Variants in ELAVL4 observed in about 807,000 individuals in gnomAD.
ELAVL4 encodes ELAV-like protein 4.
Under a neutral mutation model 35.6 loss-of-function variants are expected in ELAVL4, and 1 was observed. The observed-to-expected ratio is 0.03, with a 90% confidence interval of 0.01 to 0.13. The LOEUF is 0.13. Among genes scored for constraint, ELAVL4 ranks in the 10% least tolerant of loss-of-function variants. The pLI is 1.00. For synonymous variants in ELAVL4, 156 were observed against 171.0 expected (o/e 0.91, Z 0.69); for missense variants, 267 against 464.9 (o/e 0.57, Z 3.91).
At chr1:50,166,322 A>G (rs774118323) in intron 2 of ELAVL4, among the ~76,000 whole-genome samples, 1 of 152,146 alleles carries the variant, frequency 6.6e-6, no homozygotes, top group Non-Finnish European at 1.5e-5. Context: ...CTATCCTTCA[A>G]ACAACCAGAA....
At chr1:50,141,997 G>T (rs534463801) in intron 1 of ELAVL4, 2 of 152,162 alleles carry the variant, frequency 1.3e-5, no homozygotes, top group Non-Finnish European at 2.9e-5. Context: ...ACTCACCTAC[G>T]TGGGGCATGA....
At chr1:50,156,340 A>G (rs1675743542) in intron 2 of ELAVL4, among the ~76,000 whole-genome samples, 1 of 152,222 alleles carries the variant, frequency 6.6e-6, no homozygotes, top group Admixed American at 6.5e-5. Context: ...AATTCAAACC[A>G]GGTGATACAT....
intron 1 of ELAVL4, among the ~76,000 whole-genome samples, chr1:50,060,636 A>T (rs1206274690): frequency 1.3e-5 from 2 of 152,180 alleles, no homozygotes; most frequent in African/African-American, 4.8e-5. Flanking sequence ...TGTTCTAACT[A>T]CTGCACTGCC....
At chr1:50,106,264 C>G (rs1170252233), upstream of ELAVL4, 1 of 1,579,150 alleles carries the variant, frequency 6.3e-7, no homozygotes, top group African/African-American at 1.3e-5. Flanking sequence ...GGAAAGCTGG[C>G]TGCCGGCGAC....
At chr1:50,150,604 A>G (rs1428926087) in intron 2 of ELAVL4, among the ~76,000 whole-genome samples, 21 of 152,158 alleles carry the variant, frequency 1.4e-4, no homozygotes, top group Non-Finnish European at 4.4e-5. Context: ...AGTACAGTCT[A>G]TTGGGTTGAA....
intron 1 of ELAVL4, among the ~76,000 whole-genome samples, chr1:50,112,207 GC>G (rs1176263334): frequency 6.6e-6 from 1 of 151,846 alleles, no homozygotes; most frequent in Non-Finnish European, 1.5e-5. Context: ...GAAACTTGCG[GC>G]CATATGTTGA....
chr1:50,169,183 T>C (rs1367900375), intron 2 of ELAVL4, among the ~76,000 whole-genome samples: 1 of 151,998 alleles, frequency 6.6e-6, no homozygotes, highest in East Asian at 1.9e-4. Context: ...GCTAGGCCTG[T>C]CTTTCCTTTT....
chr1:50,140,959 C>T (rs373898897), intron 1 of ELAVL4, among the ~76,000 whole-genome samples: 3 of 152,180 alleles, frequency 2.0e-5, no homozygotes, highest in African/African-American at 7.2e-5. Flanking sequence ...AATCTACAGA[C>T]AGGACTCACC....
In ELAVL4 at chr1:50,075,816, GAT is replaced by G. The variant is rs199887781; in HGVS notation, c.18+27636_18+27637del. Among the ~76,000 whole-genome samples the G allele has an allele frequency of 3.7e-3, 557 of 152,098 alleles. 4 individuals carry two copies. The highest frequency in any genetic ancestry group is 0.012 in the African/African-American group (505 of 41,464). The stretch of plus-strand genomic sequence containing the variant: ...CTTTTTGACTTATGATATAGATATA[GAT>G]AGAGAGAGAGAGACAGAGAGACAGA... On this transcript the variant is annotated intron_variant, in intron 1 of 6. Transcript: ENST00000448907.
chr1:50,095,697 C>T (rs976655260), intron 1 of ELAVL4, among the ~76,000 whole-genome samples: 4 of 152,292 alleles, frequency 2.6e-5, no homozygotes, highest in South Asian at 2.1e-4. Context: ...TCAGCAGTGC[C>T]TTCCTCTTTT....
At chr1:50,095,683 A>G (rs144738033) in intron 1 of ELAVL4, among the ~76,000 whole-genome samples, 3 of 152,332 alleles carry the variant, frequency 2.0e-5, no homozygotes, top group Admixed American at 2.0e-4. Flanking sequence ...TATGGGCTAC[A>G]ATATCAGCAG....
chr1:50,065,827 G>C (rs886374568), intron 1 of ELAVL4, among the ~76,000 whole-genome samples: 4 of 152,146 alleles, frequency 2.6e-5, no homozygotes, highest in Non-Finnish European at 5.9e-5. Flanking sequence ...ATGTGTCGGG[G>C]TTGAGGGCTA....
chr1:50,179,265 G>A (rs763316269), intron 3 of ELAVL4, among the ~76,000 whole-genome samples: 2 of 151,378 alleles, frequency 1.3e-5, no homozygotes, highest in Non-Finnish European at 2.9e-5. Context: ...AATGCACGAT[G>A]CCATGGCTGA....
chr1:50,167,804 C>T (rs555300822), intron 2 of ELAVL4, among the ~76,000 whole-genome samples: 1 of 152,324 alleles, frequency 6.6e-6, no homozygotes, highest in African/African-American at 2.4e-5. Flanking sequence ...TTGGTGAGCA[C>T]TCACATGGGA....
At chr1:50,127,007 A>T (rs1670041745) in intron 1 of ELAVL4, among the ~76,000 whole-genome samples, 1 of 152,086 alleles carries the variant, frequency 6.6e-6, no homozygotes, top group Non-Finnish European at 1.5e-5. Flanking sequence ...GGCTACACTC[A>T]TCTAAAATAA....
intron 4 of ELAVL4, among the ~76,000 whole-genome samples, chr1:50,194,501 A>G (rs1683134312): frequency 6.6e-6 from 1 of 152,174 alleles, no homozygotes; most frequent in Non-Finnish European, 1.5e-5. Flanking sequence ...TTTTAATGAC[A>G]AGGTGTTTTC....
chr1:50,060,379 A>C (rs1303870032), intron 1 of ELAVL4, among the ~76,000 whole-genome samples: 1 of 152,206 alleles, frequency 6.6e-6, no homozygotes, highest in Non-Finnish European at 1.5e-5. Context: ...AATTGGGTAT[A>C]ACAGGAGTGT....
chr1:50,119,092 GAA>G (rs59825083), intron 1 of ELAVL4, among the ~76,000 whole-genome samples: 10,641 of 103,570 alleles, frequency 0.1, 483 homozygotes, highest in East Asian at 0.15. Context: ...AAGAAAGAAA[GAA>G]AAAGAAAAAG....
intron 1 of ELAVL4, among the ~76,000 whole-genome samples, chr1:50,143,212 C>G (rs1055348791): frequency 1.2e-4 from 18 of 152,086 alleles, no homozygotes; most frequent in Non-Finnish European, 2.5e-4. Flanking sequence ...TGTAAACATT[C>G]TTTGTGTTGT....
Sources: gnomAD v4.1 joint callset for allele counts (sites outside exome capture counted in the v4.1 genomes callset) on GRCh38, gnomAD v4.1.1 for gene constraint, MANE v1.5 for transcripts, NCBI Gene and HGNC (gene_info 2026-07-23, HGNC 2026-07-21) for gene names.